MANSC1: variants seen among roughly 807,000 people sequenced by gnomAD.
MANSC1 encodes MANSC domain-containing protein 1.
MANSC1 carries 13 observed loss-of-function variants against 14.1 expected under a neutral mutation model. The observed-to-expected ratio is 0.92, with a 90% CI of 0.60 to 1.46. The LOEUF (loss-of-function observed/expected upper bound fraction) is 1.46. Among genes scored for constraint, MANSC1 ranks in the 40% most tolerant of loss-of-function variants. The pLI, the probability that MANSC1 is intolerant of heterozygous loss-of-function variation, is 0.00. For missense variants in MANSC1, 486 were observed against 511.4 expected, an observed-to-expected ratio of 0.95 and a Z score of 0.48; for synonymous variants, 227 against 200.7, an observed-to-expected ratio of 1.13 and a Z score of -1.11.
In MANSC1 at chr12:12,329,982, G is replaced by T. The variant is rs776420625; in HGVS notation, c.*45C>A. ...AAGTCAGCAGAAACTCATTGCATTT[G>T]GGCTTCTGGTTACTAAATGAATTAA... is the stretch of plus-strand genomic sequence containing the variant. On this transcript the variant is annotated 3_prime_UTR_variant, in exon 4 of 4. Coordinates refer to ENST00000535902, the MANE Select transcript of MANSC1 (RefSeq NM_018050.4). The T allele has an allele frequency of 1.3e-6, 2 of 1,515,566 alleles. No homozygotes were observed. The highest frequency in any genetic ancestry group is 1.8e-4 in the Middle Eastern group (1 of 5,666). The allele number at this position is 1,515,566 out of a possible 1,614,324, so 93.9% of individuals were successfully genotyped here.
intron 2 of MANSC1, 103 bp from the exon 3 acceptor site, chr12:12,338,663 T>G (rs1862891563): frequency 4.1e-6 from 4 of 977,944 alleles, no homozygotes; most frequent in Admixed American, 4.9e-5. Flanking sequence ...CACAAACACC[T>G]TTGTTCATTT....
At chr12:12,335,906 G>C (rs1862853331) in intron 3 of MANSC1, among the ~76,000 whole-genome samples, 1 of 151,726 alleles carries the variant, frequency 6.6e-6, no homozygotes, top group East Asian at 1.9e-4. Context: ...CTCCCGGCCG[G>C]GCACGGAGGC....
intron 1 of MANSC1, among the ~76,000 whole-genome samples, chr12:12,349,495 T>C (rs1367956587): frequency 6.6e-6 from 1 of 152,200 alleles, no homozygotes; most frequent in Non-Finnish European, 1.5e-5. Context: ...CCATTATTAT[T>C]TAGGCTTTAA....
Position 12,330,042 on chromosome 12 carries a change from G to C in MANSC1, c.1281C>G (p.Ile427Met). The C allele has an allele frequency of 6.2e-7, 1 of 1,613,986 alleles. No homozygotes were observed. The highest frequency in any genetic ancestry group is 8.5e-7 in the Non-Finnish European group (1 of 1,179,898). Reference sequence around the variant, plus strand: ...AGTTCCATCCTTAGATGTCCACATAGATCCCATTGATCAAATAATCCAGTC... The same window carrying C: ...AGTTCCATCCTTAGATGTCCACATACATCCCATTGATCAAATAATCCAGTC... ...YSRLDYLINGIYVDI is the reference protein window; with the variant it reads ...YSRLDYLINGMYVDI Residue 427 changes from isoleucine to methionine, a missense_variant, in exon 4 of 4, where the codon ATC becomes ATG. Transcript: ENST00000535902.
intron 3 of MANSC1, 102 bp from the exon 4 acceptor site, chr12:12,331,060 G>A: frequency 1.3e-6 from 1 of 773,852 alleles, no homozygotes; most frequent in Non-Finnish European, 2.1e-6. Context: ...TCCCTAAACT[G>A]GTTGGCCATG....
intron 3 of MANSC1, among the ~76,000 whole-genome samples, chr12:12,331,382 G>A (rs1441047140): frequency 3.3e-5 from 5 of 152,214 alleles, no homozygotes; most frequent in Non-Finnish European, 7.3e-5. Flanking sequence ...GAGGTGCACA[G>A]CAGAGAAGCC....
chr12:12,329,923 T>G lies in MANSC1; in HGVS notation c.*104A>C. 1 of 958,972 alleles carries G rather than the reference T, an allele frequency of 1.0e-6. No homozygotes were observed. 59.4% of individuals were successfully genotyped at this position (958,972 alleles called of 1,614,324 possible). A position where few individuals can be genotyped will look rare whatever the true frequency, so the allele number is the denominator to read the frequency against. ...AGGAAAGCAGAAGGGGGCATTTTCC[T>G]GTCTTCAAAATACAACCTCCTGCTA... On this transcript the variant is annotated 3_prime_UTR_variant, in exon 4 of 4. Transcript: ENST00000535902.
Position 12,330,642 on chromosome 12 carries a change from T to C in MANSC1, c.681A>G (p.Pro227=). ...GTGGAGAAGCAACTGCCACCGTAGC[T>C]GGGAGCGCACTCACATTTTCAGGCA... ...HLLPENVSAL[P]ATVAVASPHT... is the part of the protein sequence containing the mutation. The change falls in exon 4 of 4, where the codon CCA becomes CCG. Residue 227 remains proline, a synonymous_variant. Coordinates refer to ENST00000535902, the MANE Select transcript of MANSC1 (RefSeq NM_018050.4). 6.2e-7 allele frequency: 1 copy of C among 1,614,174 alleles called. No homozygotes were observed. Among genetic ancestry groups the C allele is most frequent in the Non-Finnish European group, 8.5e-7 (1 of 1,180,010 alleles).
rs554843218 is a variant in MANSC1 at position 12,345,044 on chromosome 12, G to A, written c.-100-1630C>T. Among the ~76,000 whole-genome samples the A allele has an allele frequency of 2.2e-3, 312 of 144,274 alleles. 2 individuals are homozygous for A. The highest frequency in any genetic ancestry group is 7.5e-3 in the African/African-American group (294 of 39,146). The allele number at this position is 144,274 out of a possible 152,430, so 94.6% of individuals were successfully genotyped here. A position where few individuals can be genotyped will look rare whatever the true frequency, so the allele number is the denominator to read the frequency against. Reference sequence around the variant, plus strand: ...AAAAAAGCTATTATTGGCCGGGTGCGGTGGCTCATGCCTGTAATCCCAGCA... The same window carrying A: ...AAAAAAGCTATTATTGGCCGGGTGCAGTGGCTCATGCCTGTAATCCCAGCA... On this transcript the variant is annotated intron_variant, in intron 1 of 3. Coordinates refer to ENST00000535902, the MANE Select transcript of MANSC1 (RefSeq NM_018050.4).
chr12:12,326,683 G>A lies in MANSC1; in HGVS notation c.*3344C>T, dbSNP rs533474857. On this transcript the variant is annotated 3_prime_UTR_variant, in exon 4 of 4. Transcript: ENST00000535902. ...GTCGCCCAGGCTGGAGTGCAGTGGC[G>A]TGATCATGGCTCACTGCAGCCTCGA... 8 of 151,086 alleles carry A rather than the reference G, an allele frequency of 5.3e-5. No individual in the cohort carries two copies. The highest frequency in any genetic ancestry group is 4.2e-4 in the South Asian group (2 of 4,744). 9.4% of individuals were successfully genotyped at this position (151,086 alleles called of 1,614,324 possible). A position where few individuals can be genotyped will look rare whatever the true frequency, so the allele number is the denominator to read the frequency against.
At chr12:12,345,260 C>T (rs1862995817) in intron 1 of MANSC1, among the ~76,000 whole-genome samples, 1 of 145,334 alleles carries the variant, frequency 6.9e-6, no homozygotes, top group African/African-American at 2.6e-5. Context: ...GTGGAGGTTG[C>T]AGCAAGCCAC....
Position 12,330,168 on chromosome 12 carries a change from A to G in MANSC1, c.1155T>C (p.Leu385=). The change falls in exon 4 of 4, where the codon CTT becomes CTC. Residue 385 remains leucine, a synonymous_variant. Transcript: ENST00000535902. ...NQYGLPFEKW[L]LIGSLLFGVL... Reference sequence around the variant, plus strand: ...CACCAAAGAGCAGGGACCCGATAAGAAGCCATTTTTCAAATGGAAGGCCGT... The same window carrying G: ...CACCAAAGAGCAGGGACCCGATAAGGAGCCATTTTTCAAATGGAAGGCCGT... 2 of 1,614,128 alleles carry G rather than the reference A, an allele frequency of 1.2e-6. No homozygotes were observed. The highest frequency in any genetic ancestry group is 1.1e-5 in the South Asian group (1 of 91,078).
In MANSC1 at chr12:12,329,022, ACAC is replaced by A. The variant is rs1398981800; in HGVS notation, c.*1002_*1004del. The stretch of plus-strand genomic sequence containing the variant: ...CACACACACACACACACACACACAC[ACAC>A]AAGTTAACTAGAACAGATCCCAAGT... On this transcript the variant is annotated 3_prime_UTR_variant, in exon 4 of 4. Transcript: ENST00000535902. 1 of 153,092 alleles carries A rather than the reference ACAC, an allele frequency of 6.5e-6. No individual in the cohort carries two copies. The highest frequency in any genetic ancestry group is 2.4e-5 in the African/African-American group (1 of 40,826). The allele number at this position is 153,092 out of a possible 1,614,324, so 9.5% of individuals were successfully genotyped here.
At chr12:12,333,529 C>T (rs192406495) in intron 3 of MANSC1, among the ~76,000 whole-genome samples, 145 of 152,264 alleles carry the variant, frequency 9.5e-4, no homozygotes, top group South Asian at 2.1e-3. Context: ...TGATAAGATT[C>T]CTCTGTTGGC....
chr12:12,336,621 G>T (rs972999962), intron 3 of MANSC1, among the ~76,000 whole-genome samples: 2 of 152,036 alleles, frequency 1.3e-5, no homozygotes, highest in East Asian at 3.9e-4. Context: ...TGACCTCCTG[G>T]TCTCAAGGAA....
chr12:12,346,203 G>A (rs987794577), intron 1 of MANSC1, among the ~76,000 whole-genome samples: 40 of 134,660 alleles, frequency 3.0e-4, no homozygotes, highest in Admixed American at 1.0e-3. Context: ...AACCCCAGGC[G>A]GAGCTTGCAG....
At chr12:12,348,582 AT>A (rs1249448653) in intron 1 of MANSC1, among the ~76,000 whole-genome samples, 1 of 152,198 alleles carries the variant, frequency 6.6e-6, no homozygotes, top group Admixed American at 6.5e-5. Context: ...TATTTGGGGC[AT>A]TGAGACTATT....
At chr12:12,348,347 C>A (rs2136000108) in intron 1 of MANSC1, 1 of 152,262 alleles carries the variant, frequency 6.6e-6, no homozygotes, top group East Asian at 1.9e-4. Context: ...TGAGATACAT[C>A]CATACATTGG....
chr12:12,345,112 G>A (rs1397249267), intron 1 of MANSC1, among the ~76,000 whole-genome samples: 9 of 149,336 alleles, frequency 6.0e-5, no homozygotes, highest in Non-Finnish European at 1.2e-4. Flanking sequence ...CTGAGGTCAG[G>A]AGTTCGACAC....
Sources: gnomAD v4.1 joint callset for allele counts (sites outside exome capture counted in the v4.1 genomes callset) on GRCh38, gnomAD v4.1.1 for gene constraint, MANE v1.5 for transcripts, NCBI Gene and HGNC (gene_info 2026-07-23, HGNC 2026-07-21) for gene names.